The following FSIP1 variants were observed in gnomAD, a reference collection of about 807,000 sequenced individuals.
FSIP1 encodes fibrous sheath-interacting protein 1.
FSIP1 carries 65 observed loss-of-function variants against 60.9 expected under a neutral mutation model. The ratio of observed to expected loss-of-function variants is 1.07; its 90% CI spans 0.87 to 1.31. The LOEUF (loss-of-function observed/expected upper bound fraction) is 1.31, where lower values mean the gene tolerates loss of function less well. Ranked by LOEUF, FSIP1 falls within the 40% of genes most tolerant of loss-of-function variation. FSIP1 has a pLI of 0.00. For synonymous variants in FSIP1, 209 were observed against 221.2 expected, an observed-to-expected ratio of 0.94 and a Z score of 0.49; for missense variants, 675 against 665.5, an observed-to-expected ratio of 1.01 and a Z score of -0.16.
intron 7 of FSIP1, 118 bp downstream of exon 7, chr15:39,739,547 C>A: frequency 1.1e-6 from 1 of 937,864 alleles, no homozygotes; most frequent in Non-Finnish European, 1.6e-6. Context: ...TCTACTAATT[C>A]AATCATTTAT....
chr15:39,621,046 G>C (rs1891423759), intron 10 of FSIP1, among the ~76,000 whole-genome samples: 1 of 142,200 alleles, frequency 7.0e-6, no homozygotes, highest in African/African-American at 2.8e-5. Context: ...AGCAAGAGAA[G>C]GGCATTTCTT....
intron 10 of FSIP1, among the ~76,000 whole-genome samples, chr15:39,689,859 T>A (rs533416934): frequency 2.0e-5 from 3 of 152,250 alleles, no homozygotes; most frequent in African/African-American, 7.2e-5. Flanking sequence ...ATTATCATTT[T>A]CTACCTTTCT....
intron 10 of FSIP1, among the ~76,000 whole-genome samples, chr15:39,625,335 G>A (rs189094765): frequency 5.3e-5 from 8 of 152,308 alleles, no homozygotes; most frequent in Non-Finnish European, 7.3e-5. Flanking sequence ...AGCATGGATC[G>A]AGGGAGCTAG....
At chr15:39,739,842 T>C in intron 6 of FSIP1, 53 bp from the exon 7 acceptor site, 4 of 1,168,772 alleles carry the variant, frequency 3.4e-6, no homozygotes, top group Non-Finnish European at 4.8e-6. Flanking sequence ...TCAATTATGC[T>C]AAAAGTTCAC....
intron 11 of FSIP1, among the ~76,000 whole-genome samples, chr15:39,601,890 G>A (rs1225124386): frequency 6.8e-6 from 1 of 146,098 alleles, no homozygotes; most frequent in Non-Finnish European, 1.5e-5. Context: ...GGCTGGGGTT[G>A]GGGAAAATGG....
At chr15:39,655,372 T>A (rs1448815393) in intron 10 of FSIP1, among the ~76,000 whole-genome samples, 2 of 152,182 alleles carry the variant, frequency 1.3e-5, no homozygotes, top group Admixed American at 1.3e-4. Flanking sequence ...ACCTATTATA[T>A]CAAAAGGACA....
intron 5 of FSIP1, among the ~76,000 whole-genome samples, chr15:39,749,547 T>G (rs1234372001): frequency 6.6e-6 from 1 of 152,082 alleles, no homozygotes; most frequent in Non-Finnish European, 1.5e-5. Flanking sequence ...TAAATAACAT[T>G]AACAGATTGA....
chr15:39,736,446 T>C (rs1896612553), intron 8 of FSIP1, among the ~76,000 whole-genome samples: 1 of 152,224 alleles, frequency 6.6e-6, no homozygotes, highest in Non-Finnish European at 1.5e-5. Flanking sequence ...CACAGAACTT[T>C]TTTAAATAGG....
In FSIP1 at chr15:39,703,748, A is replaced by T. The variant is rs190615437; in HGVS notation, c.1188+9696T>A. 3.9e-5 allele frequency among the ~76,000 whole-genome samples: 6 copies of T among 152,254 alleles called. No homozygotes were observed. In the East Asian group the frequency reaches 5.8e-4, roughly 15 times the overall value. ...ATCCCAGAACTTAAAGTAAAATTTTAAAAAATAATAAATAAATAAATAAAA... is the reference window on the plus strand; with the variant it reads ...ATCCCAGAACTTAAAGTAAAATTTTTAAAAATAATAAATAAATAAATAAAA... On this transcript the variant is annotated intron_variant, in intron 10 of 11. Transcript: ENST00000350221.
At chr15:39,677,349 G>C (rs1012006414) in intron 10 of FSIP1, among the ~76,000 whole-genome samples, 1 of 152,106 alleles carries the variant, frequency 6.6e-6, no homozygotes, top group Non-Finnish European at 1.5e-5. Flanking sequence ...GAGAGAACAG[G>C]CTTGAGCTTC....
chr15:39,713,931 T>C (rs1234015537), intron 9 of FSIP1, among the ~76,000 whole-genome samples: 2 of 152,116 alleles, frequency 1.3e-5, no homozygotes, highest in East Asian at 1.9e-4. Flanking sequence ...TTATCATGTA[T>C]AAATAAGAAG....
chr15:39,705,324 T>TA lies in FSIP1; in HGVS notation c.1188+8119dup, dbSNP rs891027660. Among the ~76,000 whole-genome samples the TA allele has an allele frequency of 2.3e-4, 35 of 151,832 alleles. 1 individual carries two copies. The highest frequency in any genetic ancestry group is 6.8e-4 in the African/African-American group (28 of 41,328). On this transcript the variant is annotated intron_variant, in intron 10 of 11. Transcript: ENST00000350221. ...GAAGTCAAAAATGTTCTTTATTTTT[T>TA]AAAAAAAACAAAAAATCTTTATTGT... is the stretch of plus-strand genomic sequence containing the variant.
chr15:39,700,065 A>C (rs1358884573), intron 10 of FSIP1, among the ~76,000 whole-genome samples: 1 of 152,168 alleles, frequency 6.6e-6, no homozygotes, highest in Admixed American at 6.5e-5. Flanking sequence ...CAAGTTTCTA[A>C]AATGTCATAT....
rs1461161616 is a variant in FSIP1 at position 39,770,507 on chromosome 15, G to A, written c.230C>T (p.Ser77Phe). 6.2e-7 allele frequency: 1 copy of A among 1,611,536 alleles called. No individual in the cohort carries two copies. Among genetic ancestry groups the A allele is most frequent in the Admixed American group, 1.7e-5 (1 of 59,092 alleles). Reference protein sequence around the residue: ...TSNDDKQESCSEKIKLAEEGS... With the variant: ...TSNDDKQESCFEKIKLAEEGS... ...CTCTTCAGCCAATTTTATTTTCTCAGAGCAGCTTTCCTGCTTATCATCATT... is the reference window on the plus strand; with the variant it reads ...CTCTTCAGCCAATTTTATTTTCTCAAAGCAGCTTTCCTGCTTATCATCATT... The change falls in exon 3 of 12, where the codon TCT (serine) becomes TTT (phenylalanine). Residue 77 changes from serine to phenylalanine, a missense_variant. Coordinates refer to ENST00000350221, the MANE Select transcript of FSIP1 (RefSeq NM_152597.5).
chr15:39,660,199 C>A (rs1218332539), intron 10 of FSIP1, among the ~76,000 whole-genome samples: 4 of 152,192 alleles, frequency 2.6e-5, no homozygotes, highest in Non-Finnish European at 5.9e-5. Flanking sequence ...AGTGGATTAG[C>A]AGCCCCACCT....
intron 2 of FSIP1, among the ~76,000 whole-genome samples, chr15:39,773,968 T>C (rs1401540811): frequency 6.6e-6 from 1 of 152,210 alleles, no homozygotes; most frequent in Non-Finnish European, 1.5e-5. Context: ...TCAATCTATC[T>C]TCCAAAACTC....
intron 7 of FSIP1, among the ~76,000 whole-genome samples, chr15:39,739,014 GTCC>G (rs796264942): frequency 1.3e-5 from 2 of 152,358 alleles, no homozygotes; most frequent in African/African-American, 4.8e-5. Context: ...CAGAGCTTCT[GTCC>G]TCCTCACTAC....
Position 39,713,354 on chromosome 15 carries a change from C to A in FSIP1, c.1188+90G>T, listed in dbSNP as rs537264128. The A allele has an allele frequency of 2.3e-5, 29 of 1,248,134 alleles. No homozygotes were observed. The South Asian group carries it at 3.9e-4, about 17-fold the overall frequency. The allele number at this position is 1,248,134 out of a possible 1,614,324, so 77.3% of individuals were successfully genotyped here. ...GGCTGAGGTGGGCAGGTCACTTGAGCCCAGAAGTTCGAGACCAGCCTGGGC... is the reference window on the plus strand; with the variant it reads ...GGCTGAGGTGGGCAGGTCACTTGAGACCAGAAGTTCGAGACCAGCCTGGGC... On this transcript the variant is annotated intron_variant, in intron 10 of 11. Coordinates refer to ENST00000350221, the MANE Select transcript of FSIP1 (RefSeq NM_152597.5).
intron 5 of FSIP1, among the ~76,000 whole-genome samples, chr15:39,751,340 T>C (rs1056241708): frequency 6.6e-6 from 1 of 151,772 alleles, no homozygotes; most frequent in Non-Finnish European, 1.5e-5. Flanking sequence ...TATTGCTCCA[T>C]TATTCATAAT....
Sources: gnomAD v4.1 joint callset for allele counts (sites outside exome capture counted in the v4.1 genomes callset) on GRCh38, gnomAD v4.1.1 for gene constraint, MANE v1.5 for transcripts, NCBI Gene and HGNC (gene_info 2026-07-23, HGNC 2026-07-21) for gene names.